The following TTLL5 variants were observed in gnomAD, a reference collection of about 807,000 sequenced individuals.
TTLL5 encodes tubulin polyglutamylase TTLL5.
In TTLL5, 132 loss-of-function variants were observed where a neutral mutation model predicts 168.4. The ratio of observed to expected loss-of-function variants is 0.78; its 90% CI spans 0.68 to 0.91. The LOEUF is 0.91. Among genes scored for constraint, TTLL5 ranks in the 40% least tolerant of loss-of-function variants. The probability of loss-of-function intolerance (pLI) is 0.00; values close to 1 mark genes in which losing one functional copy is unlikely to be tolerated. For synonymous variants in TTLL5, 546 were observed against 558.6 expected, an observed-to-expected ratio of 0.98 and a Z score of 0.32; for missense variants, 1,545 against 1,581.5, an observed-to-expected ratio of 0.98 and a Z score of 0.39.
At chr14:75,851,220 C>T (rs1415412967) in intron 28 of TTLL5, among the ~76,000 whole-genome samples, 1 of 151,876 alleles carries the variant, frequency 6.6e-6, no homozygotes, top group Non-Finnish European at 1.5e-5. Context: ...AGTATGGACT[C>T]ATTCTGTTTG....
intron 31 of TTLL5, among the ~76,000 whole-genome samples, chr14:75,914,678 CA>C (rs1465343817): frequency 7.2e-6 from 1 of 138,300 alleles, no homozygotes; most frequent in Non-Finnish European, 1.5e-5. Context: ...GGCTGGAATG[CA>C]ATGGCCCAAT....
rs1888811725 is a variant in TTLL5 at position 75,735,308 on chromosome 14, A to G, written c.1281+19A>G. The G allele has an allele frequency of 2.0e-5, 32 of 1,613,170 alleles. No homozygotes were observed. Among genetic ancestry groups the G allele is most frequent in the Non-Finnish European group, 2.5e-5 (30 of 1,179,082 alleles). Reference sequence around the variant, plus strand: ...ACCTCAGGTAAGCCAATTCCACAGCAGGGAGCCTGAAGGAGGCTTACTGGG... The same window carrying G: ...ACCTCAGGTAAGCCAATTCCACAGCGGGGAGCCTGAAGGAGGCTTACTGGG... On this transcript the variant is annotated intron_variant, in intron 15 of 31. Transcript: ENST00000298832.
chr14:75,939,942 A>T (rs995479446), intron 31 of TTLL5, among the ~76,000 whole-genome samples: 1 of 152,200 alleles, frequency 6.6e-6, no homozygotes, highest in Non-Finnish European at 1.5e-5. Context: ...TTCTCCAGTG[A>T]GCAGAAAACA....
chr14:75,937,103 T>C (rs909644973), intron 31 of TTLL5, among the ~76,000 whole-genome samples: 15 of 146,594 alleles, frequency 1.0e-4, no homozygotes, highest in African/African-American at 3.8e-4. Context: ...TTTAAGTGTA[T>C]GGCATTAAGT....
At chr14:75,690,095 G>A (rs181823005) in intron 5 of TTLL5, 97 bp from the exon 6 acceptor site, 74 of 1,312,836 alleles carry the variant, frequency 5.6e-5, no homozygotes, top group Non-Finnish European at 6.9e-5. Flanking sequence ...TTCACTAACC[G>A]GTCTAGGACT....
chr14:75,719,503 C>A (rs1248245841), intron 10 of TTLL5, among the ~76,000 whole-genome samples: 1 of 152,164 alleles, frequency 6.6e-6, no homozygotes, highest in Non-Finnish European at 1.5e-5. Context: ...TTGCCGCCTT[C>A]TTCCCCACCC....
rs1192963877 is a variant in TTLL5, at chr14:75,699,244, G to A, written c.559G>A (p.Gly187Arg). Residue 187 changes from glycine (G) to arginine (R), a missense_variant, in exon 7 of 32, where the codon GGG (glycine) becomes AGG (arginine). Coordinates refer to ENST00000298832, the MANE Select transcript of TTLL5 (RefSeq NM_015072.5). ...AGTAAAACCAGTGGCATCTTCAAGG[G>A]GGCGGGGCGTCTACCTGATCAACAA... ...WIVKPVASSR[G>R]RGVYLINNPN... 1 of 1,613,942 alleles carries A rather than the reference G, an allele frequency of 6.2e-7. No individual in the cohort carries two copies. Among genetic ancestry groups the A allele is most frequent in the East Asian group, 2.2e-5 (1 of 44,856 alleles).
intron 27 of TTLL5, among the ~76,000 whole-genome samples, chr14:75,816,359 G>T (rs887519339): frequency 6.6e-6 from 1 of 152,200 alleles, no homozygotes; most frequent in Non-Finnish European, 1.5e-5. Context: ...GGTAGATGTT[G>T]CAGTGAGCCA....
chr14:75,737,005 T>C (rs1489702703), intron 15 of TTLL5, among the ~76,000 whole-genome samples: 1 of 152,226 alleles, frequency 6.6e-6, no homozygotes, highest in Admixed American at 6.5e-5. Context: ...CACAGAATTA[T>C]GTATAAAGGA....
chr14:75,903,365 G>A (rs2033006860), intron 31 of TTLL5, among the ~76,000 whole-genome samples: 2 of 152,042 alleles, frequency 1.3e-5, no homozygotes, highest in South Asian at 4.1e-4. Context: ...AAAGACCGGG[G>A]GGAAGTGAAA....
At chr14:75,891,093 C>T (rs1296879472) in intron 30 of TTLL5, among the ~76,000 whole-genome samples, 1 of 152,172 alleles carries the variant, frequency 6.6e-6, no homozygotes, top group Non-Finnish European at 1.5e-5. Flanking sequence ...GACATTCAAG[C>T]CTTCTGCAAT....
chr14:75,924,927 T>G (rs1175499214), intron 31 of TTLL5, among the ~76,000 whole-genome samples: 1 of 138,300 alleles, frequency 7.2e-6, no homozygotes, highest in Non-Finnish European at 1.5e-5. Context: ...CCCCCCCACC[T>G]CCCTCCTGGA....
rs978487496 is a variant in TTLL5, at chr14:75,687,293, G to A, written c.372-2899G>A. 3.4e-4 allele frequency among the ~76,000 whole-genome samples: 51 copies of A among 152,160 alleles called. 2 individuals are homozygous for A. The highest frequency in any genetic ancestry group is 2.0e-3 in the Admixed American group (31 of 15,278). Reference sequence around the variant, plus strand: ...TTTGACCTTTTTGGTTTTTTTGTGGGGGGACAGTTTCGCTCTGTCACCCAG... The same window carrying A: ...TTTGACCTTTTTGGTTTTTTTGTGGAGGGACAGTTTCGCTCTGTCACCCAG... On this transcript the variant is annotated intron_variant, in intron 5 of 31. Transcript: ENST00000298832.
In TTLL5 at chr14:75,851,678, C is replaced by T. The variant is rs149653461; in HGVS notation, c.3327-11989C>T. ...GCAGGGGCCACCGTGCAGCCGCTCTCTCTGGCGGGTGAGACTGGCAAATGG... is the reference window on the plus strand; with the variant it reads ...GCAGGGGCCACCGTGCAGCCGCTCTTTCTGGCGGGTGAGACTGGCAAATGG... On this transcript the variant is annotated intron_variant, in intron 28 of 31. Coordinates refer to ENST00000298832, the MANE Select transcript of TTLL5 (RefSeq NM_015072.5). Among the ~76,000 whole-genome samples, 146 of 152,344 alleles carry T rather than the reference C, an allele frequency of 9.6e-4. 1 individual carries two copies. The East Asian group carries it at 0.021, about 22-fold the overall frequency.
At chr14:75,677,376 TTC>T (rs202192709) in intron 3 of TTLL5, among the ~76,000 whole-genome samples, 61 of 147,902 alleles carry the variant, frequency 4.1e-4, no homozygotes, top group African/African-American at 1.3e-3. Flanking sequence ...GAGATTCTCT[TTC>T]TCTCTCTCTC....
intron 18 of TTLL5, among the ~76,000 whole-genome samples, chr14:75,761,762 A>G (rs1037817857): frequency 3.3e-5 from 5 of 152,198 alleles, no homozygotes; most frequent in African/African-American, 1.2e-4. Context: ...TAGGTTATAT[A>G]GCTCTAGGCA....
chr14:75,702,683 G>A (rs993857912), intron 7 of TTLL5, among the ~76,000 whole-genome samples: 8 of 152,098 alleles, frequency 5.3e-5, no homozygotes, highest in Non-Finnish European at 8.8e-5. Context: ...AATGTGTTTG[G>A]CAGGCTATGT....
intron 5 of TTLL5, among the ~76,000 whole-genome samples, chr14:75,687,295 G>A (rs926166034): frequency 2.6e-5 from 4 of 151,970 alleles, no homozygotes; most frequent in Non-Finnish European, 4.4e-5. Flanking sequence ...TTTTGTGGGG[G>A]GACAGTTTCG....
chr14:75,902,269 A>T (rs775569665), intron 31 of TTLL5, 45 bp downstream of exon 31: 1 of 1,598,048 alleles, frequency 6.3e-7, no homozygotes, highest in African/African-American at 1.3e-5. Flanking sequence ...ATGACAGGGA[A>T]GGTGTTGGGC....
Sources: gnomAD v4.1 joint callset for allele counts (sites outside exome capture counted in the v4.1 genomes callset) on GRCh38, gnomAD v4.1.1 for gene constraint, MANE v1.5 for transcripts, NCBI Gene and HGNC (gene_info 2026-07-23, HGNC 2026-07-21) for gene names.